Variants in TENT2 observed in about 807,000 individuals in gnomAD.
TENT2 encodes poly(A) RNA polymerase GLD2.
Under a neutral mutation model 72.2 loss-of-function variants are expected in TENT2, and 44 were observed. That is an observed-to-expected ratio of 0.61 (90% CI 0.48 to 0.78). TENT2 has a LOEUF of 0.78. TENT2 is among the 30% of genes least tolerant of loss of function. The pLI, the probability that TENT2 is intolerant of heterozygous loss-of-function variation, is 0.00. For missense variants in TENT2, 541 were observed against 569.6 expected (o/e 0.95, Z 0.51); for synonymous variants, 212 against 192.5 (o/e 1.10, Z -0.84).
chr5:79,640,996 G>T, intron 5 of TENT2, 31 bp downstream of exon 5: 5 of 1,526,030 alleles, frequency 3.3e-6, no homozygotes, highest in African/African-American at 1.4e-5. Flanking sequence ...TGTCCTTTAG[G>T]TATATGCATT....
At chr5:79,642,042 A>G (rs746273507) in intron 6 of TENT2, among the ~76,000 whole-genome samples, 1 of 152,008 alleles carries the variant, frequency 6.6e-6, no homozygotes, top group Admixed American at 6.6e-5. Flanking sequence ...CATTAAGCTG[A>G]CTTGAGGCAG....
chr5:79,627,502 T>C (rs955707335), intron 4 of TENT2, among the ~76,000 whole-genome samples: 8 of 152,200 alleles, frequency 5.3e-5, no homozygotes, highest in African/African-American at 1.9e-4. Context: ...TTTCGTTTTT[T>C]GAGACAGAGT....
intron 4 of TENT2, among the ~76,000 whole-genome samples, chr5:79,637,229 C>CAA (rs56715544): frequency 1.3e-5 from 2 of 148,380 alleles, no homozygotes; most frequent in South Asian, 2.1e-4. Flanking sequence ...GACCATGTAT[C>CAA]AAAAAAAAAA....
intron 10 of TENT2, among the ~76,000 whole-genome samples, chr5:79,653,352 G>A (rs1267853177): frequency 6.6e-6 from 1 of 151,920 alleles, no homozygotes; most frequent in Admixed American, 6.6e-5. Flanking sequence ...AATTAGTTGG[G>A]CATGGTGGCA....
chr5:79,648,185 A>G (rs911550511), intron 8 of TENT2, among the ~76,000 whole-genome samples: 20 of 152,100 alleles, frequency 1.3e-4, no homozygotes, highest in African/African-American at 4.3e-4. Context: ...GTTCCTACCT[A>G]TAATACTGGT....
Position 79,687,703 on chromosome 5 carries a change from T to A in TENT2, c.*2430T>A, listed in dbSNP as rs1826477012. ...GTTGAATTCACAAATCCTACATGGT[T>A]ACGGAGGGTTGACTGTATTTGCATA... On this transcript the variant is annotated 3_prime_UTR_variant, in exon 15 of 15. Transcript: ENST00000453514. Among the ~76,000 whole-genome samples the A allele has an allele frequency of 2.0e-5, 3 of 152,344 alleles. No homozygotes were observed. In the South Asian group the frequency reaches 6.2e-4, roughly 32 times the overall value.
At chr5:79,616,189 ATTTTTTTTTTT>A (rs1229523040) in intron 1 of TENT2, among the ~76,000 whole-genome samples, 4 of 88,132 alleles carry the variant, frequency 4.5e-5, no homozygotes, top group African/African-American at 1.7e-4. Context: ...ACCCGGCCTA[ATTTTTTTTTTT>A]TTTTTTTTTT....
chr5:79,660,450 C>T (rs141740259), intron 11 of TENT2, among the ~76,000 whole-genome samples: 1 of 152,094 alleles, frequency 6.6e-6, no homozygotes, highest in African/African-American at 2.4e-5. Context: ...TATTTGTTTC[C>T]TTCGCTAAAA....
chr5:79,651,126 CA>C (rs1208248648), intron 10 of TENT2, among the ~76,000 whole-genome samples: 1 of 151,764 alleles, frequency 6.6e-6, no homozygotes, highest in Non-Finnish European at 1.5e-5. Context: ...TTTTCACACC[CA>C]AAAATTGTTA....
At position 79,680,141 on chromosome 5, in the gene TENT2, TTGAG is replaced by T. The variant is rs1184976867; in HGVS notation, c.1300+477_1300+480del. Among the ~76,000 whole-genome samples, 6 of 152,304 alleles carry T rather than the reference TTGAG, an allele frequency of 3.9e-5. No individual in the cohort carries two copies. The East Asian group carries it at 5.8e-4, about 15-fold the overall frequency. On this transcript the variant is annotated intron_variant, in intron 13 of 14. Transcript: ENST00000453514. ...TAGTTGAATATATCCTTGAGACACT[TTGAG>T]TGAGTAGAAAACTGACTTCAAGGGA... is the stretch of plus-strand genomic sequence containing the variant.
At chr5:79,673,161 G>A (rs1580635288) in intron 12 of TENT2, among the ~76,000 whole-genome samples, 1 of 152,152 alleles carries the variant, frequency 6.6e-6, no homozygotes, top group Non-Finnish European at 1.5e-5. Context: ...TTCCTATAGA[G>A]TTGTTTAAGC....
At chr5:79,653,917 A>G (rs1200519945) in intron 10 of TENT2, among the ~76,000 whole-genome samples, 1 of 152,198 alleles carries the variant, frequency 6.6e-6, no homozygotes, top group East Asian at 1.9e-4. Context: ...GTTGGATTAA[A>G]TGACCTTTAC....
rs1798013654 is a variant in TENT2 at position 79,656,425 on chromosome 5, ATTTGATTTTTT to A, written c.1028-530_1028-520del. Among the ~76,000 whole-genome samples the A allele has an allele frequency of 4.0e-5, 6 of 151,836 alleles. No homozygotes were observed. The South Asian group carries it at 1.0e-3, about 26-fold the overall frequency. On this transcript the variant is annotated intron_variant, in intron 10 of 14. Coordinates refer to ENST00000453514, the MANE Select transcript of TENT2 (RefSeq NM_001114394.3). ...GGTTAAAGATTTTTCTTTCATTTTT[ATTTGATTTTTT>A]TTGTTGTTATTTGCAGTATATCAGT...
At chr5:79,644,023 C>G (rs145219237) in intron 7 of TENT2, among the ~76,000 whole-genome samples, 2 of 150,214 alleles carry the variant, frequency 1.3e-5, no homozygotes, top group Non-Finnish European at 2.9e-5. Context: ...CGCTCTATCA[C>G]GAGGCTGGAG....
chr5:79,624,235 G>A (rs533321299), intron 4 of TENT2, among the ~76,000 whole-genome samples: 180 of 152,168 alleles, frequency 1.2e-3, no homozygotes, highest in Non-Finnish European at 2.1e-3. Context: ...GACATTTGTA[G>A]GCTAAGGAGA....
chr5:79,637,805 T>TG (rs1459553532), intron 4 of TENT2, among the ~76,000 whole-genome samples: 1 of 150,686 alleles, frequency 6.6e-6, no homozygotes, highest in Admixed American at 6.6e-5. Flanking sequence ...TTGCTTTTTT[T>TG]TTTTTTTTTT....
chr5:79,614,160 A>G (rs1009325553), intron 1 of TENT2: 4 of 136,190 alleles, frequency 2.9e-5, no homozygotes, highest in Admixed American at 8.1e-5. Context: ...CTACAGTGCA[A>G]TGGCACTATC....
intron 1 of TENT2, among the ~76,000 whole-genome samples, chr5:79,618,443 A>G (rs1179525251): frequency 6.6e-6 from 1 of 151,664 alleles, no homozygotes; most frequent in African/African-American, 2.4e-5. Flanking sequence ...TTTGTTGTCC[A>G]GGCTAGTCTT....
At chr5:79,642,744 A>G (rs769183115) in intron 6 of TENT2, 88 bp from the exon 7 acceptor site, 1 of 983,718 alleles carries the variant, frequency 1.0e-6, no homozygotes, top group South Asian at 1.5e-5. Context: ...TATATCTTGT[A>G]TGTTTTCTTT....
Sources: gnomAD v4.1 joint callset for allele counts (sites outside exome capture counted in the v4.1 genomes callset) on GRCh38, gnomAD v4.1.1 for gene constraint, MANE v1.5 for transcripts, NCBI Gene and HGNC (gene_info 2026-07-23, HGNC 2026-07-21) for gene names.